UGT1A6: variants seen among roughly 807,000 people sequenced by gnomAD.
The protein encoded by UGT1A6 is UDP glucuronosyltransferase family 1 member A6, also known as UDP-glucuronosyltransferase 1A6.
In UGT1A6, 32 loss-of-function variants were observed where a neutral mutation model predicts 44.4. The observed-to-expected ratio is 0.72, with a 90% CI of 0.54 to 0.97. The LOEUF (loss-of-function observed/expected upper bound fraction) is 0.97. Among genes scored for constraint, UGT1A6 ranks in the 50% least tolerant of loss-of-function variants. The probability of loss-of-function intolerance (pLI) is 0.00; values close to 1 mark genes in which losing one functional copy is unlikely to be tolerated. For synonymous variants in UGT1A6, 238 were observed against 248.5 expected (o/e 0.96, Z 0.40); for missense variants, 685 against 661.9 (o/e 1.03, Z -0.38).
intron 1 of UGT1A6, among the ~76,000 whole-genome samples, chr2:233,696,491 C>T (rs1208679803): frequency 6.6e-6 from 1 of 151,990 alleles, no homozygotes; most frequent in African/African-American, 2.4e-5. Flanking sequence ...GCAACTTTAC[C>T]GAATTTGCTT....
chr2:233,695,419 C>T (rs1453689683), intron 1 of UGT1A6, among the ~76,000 whole-genome samples: 2 of 138,724 alleles, frequency 1.4e-5, no homozygotes, highest in South Asian at 2.4e-4. Context: ...CTACCGCGCC[C>T]GGCCTTCTTC....
At chr2:233,760,783 C>T in intron 1 of UGT1A6, 1 of 1,613,870 alleles carries the variant, frequency 6.2e-7, no homozygotes, top group Non-Finnish European at 8.5e-7. Flanking sequence ...GTACCTGTCT[C>T]TGCCCACTGT....
intron 1 of UGT1A6, among the ~76,000 whole-genome samples, chr2:233,720,100 C>T (rs1458548805): frequency 2.0e-5 from 3 of 152,132 alleles, no homozygotes; most frequent in African/African-American, 7.2e-5. Flanking sequence ...TTAGTGGTCC[C>T]ATCTTGCGAA....
At chr2:233,715,665 G>A (rs1198946801) in intron 1 of UGT1A6, among the ~76,000 whole-genome samples, 6 of 152,076 alleles carry the variant, frequency 3.9e-5, no homozygotes, top group Non-Finnish European at 7.4e-5. Context: ...CCAGCTACTC[G>A]GGAGGCTGAG....
At chr2:233,725,013 C>T (rs2077345814) in intron 1 of UGT1A6, among the ~76,000 whole-genome samples, 2 of 148,174 alleles carry the variant, frequency 1.3e-5, no homozygotes, top group Admixed American at 1.4e-4. Flanking sequence ...CCCGGCCAAA[C>T]AGCAAAACCC....
intron 1 of UGT1A6, among the ~76,000 whole-genome samples, chr2:233,699,435 T>C (rs2075505812): frequency 6.6e-6 from 1 of 152,214 alleles, no homozygotes; most frequent in African/African-American, 2.4e-5. Context: ...GAAGGGTCAT[T>C]GGAGTGTTTT....
At chr2:233,719,330 GT>G (rs780658532) in intron 1 of UGT1A6, 4 of 1,613,748 alleles carry the variant, frequency 2.5e-6, no homozygotes, top group Non-Finnish European at 3.4e-6. Flanking sequence ...TTCCTGCTGT[GT>G]TTTTTTGGAG....
At chr2:233,713,858 G>C (rs1294382978) in intron 1 of UGT1A6, 5 of 1,613,740 alleles carry the variant, frequency 3.1e-6, no homozygotes, top group African/African-American at 1.3e-5. Flanking sequence ...CACTATCTCA[G>C]GTCTGTATTG....
chr2:233,698,815 T>C (rs2075464153), intron 1 of UGT1A6, among the ~76,000 whole-genome samples: 1 of 152,234 alleles, frequency 6.6e-6, no homozygotes, highest in Non-Finnish European at 1.5e-5. Flanking sequence ...CCTCGCCTTG[T>C]GGAAGAGTAA....
At chr2:233,747,966 G>C in intron 1 of UGT1A6, 17 of 1,613,448 alleles carry the variant, frequency 1.1e-5, no homozygotes, top group Non-Finnish European at 1.4e-5. Context: ...TCTCAGCCAT[G>C]CATCTGTGTG....
intron 1 of UGT1A6, chr2:233,760,101 A>G (rs1697321956): frequency 2.6e-6 from 3 of 1,137,760 alleles, no homozygotes; most frequent in Admixed American, 5.6e-5. Context: ...GTTGTTGCCT[A>G]TTAAGAAACC....
Position 233,692,908 on chromosome 2 carries a change from T to C in UGT1A6, c.-97T>C. ...GCAAGGGAGAGGTAGACAGGACCTG[T>C]GAAAAGCAGTGGTTAGTTTAGGGAA... is the stretch of plus-strand genomic sequence containing the variant. On this transcript the variant is annotated 5_prime_UTR_variant, in exon 1 of 5. Transcript: ENST00000305139. The C allele has an allele frequency of 6.4e-7, 1 of 1,553,502 alleles. No individual in the cohort carries two copies. The highest frequency in any genetic ancestry group is 1.4e-5 in the African/African-American group (1 of 72,984).
chr2:233,713,281 C>G (rs763148643), intron 1 of UGT1A6: 16 of 1,614,240 alleles, frequency 9.9e-6, no homozygotes, highest in Non-Finnish European at 1.3e-5. Context: ...CTGGGTCACA[C>G]TCAATCGTTC....
intron 1 of UGT1A6, chr2:233,755,226 G>C: frequency 1.0e-6 from 1 of 975,544 alleles, no homozygotes; most frequent in South Asian, 1.3e-5. Flanking sequence ...ACCCTCGGAC[G>C]AGGCCTACCG....
chr2:233,760,507 T>C (rs1199756469), intron 1 of UGT1A6: 2 of 1,614,154 alleles, frequency 1.2e-6, no homozygotes, highest in South Asian at 1.1e-5. Context: ...CGGAGCATTT[T>C]ACACCTTGAA....
intron 1 of UGT1A6, chr2:233,755,375 G>A (rs1695890157): frequency 5.6e-6 from 2 of 355,636 alleles, no homozygotes; most frequent in South Asian, 4.5e-5. Context: ...CTGGAGGGCC[G>A]CCCCTTATGA....
intron 1 of UGT1A6, among the ~76,000 whole-genome samples, chr2:233,699,549 C>T (rs540662918): frequency 6.6e-6 from 1 of 152,332 alleles, no homozygotes; most frequent in Non-Finnish European, 1.5e-5. Context: ...ATCATAGAGC[C>T]AGGTCATGGC....
In UGT1A6 at chr2:233,693,486, A is replaced by C; in HGVS notation, c.482A>C (p.Glu161Ala). 6.2e-7 allele frequency: 1 copy of C among 1,614,088 alleles called. No homozygotes were observed. The highest frequency in any genetic ancestry group is 8.5e-7 in the Non-Finnish European group (1 of 1,180,024). ...PALPCGVILA[E>A]YLGLPSVYLF... ...TTACCCTGTGGGGTGATCCTGGCTG[A>C]GTATTTGGGCCTACCATCTGTGTAC... The change falls in exon 1 of 5, where the codon GAG (glutamate) becomes GCG (alanine). Residue 161 changes from glutamate (E) to alanine (A), a missense_variant. Coordinates refer to ENST00000305139, the MANE Select transcript of UGT1A6 (RefSeq NM_001072.4).
intron 1 of UGT1A6, among the ~76,000 whole-genome samples, chr2:233,734,927 C>T (rs1223344443): frequency 1.3e-5 from 2 of 152,170 alleles, no homozygotes; most frequent in Non-Finnish European, 2.9e-5. Context: ...GAGTGCTTTA[C>T]TTACAATCAT....
Sources: gnomAD v4.1 joint callset for allele counts (sites outside exome capture counted in the v4.1 genomes callset) on GRCh38, gnomAD v4.1.1 for gene constraint, MANE v1.5 for transcripts, NCBI Gene and HGNC (gene_info 2026-07-23, HGNC 2026-07-21) for gene names.